The following CSMD1 variants were observed in gnomAD, a reference collection of about 807,000 sequenced individuals.
CSMD1 encodes CUB and Sushi multiple domains 1.
In CSMD1, 213 loss-of-function variants were observed where a neutral mutation model predicts 417.5. The observed-to-expected ratio is 0.51, with a 90% CI of 0.46 to 0.57. The LOEUF is 0.57. CSMD1 is among the 20% of genes least tolerant of loss of function. CSMD1 has a pLI of 0.00. For missense variants in CSMD1, 6,923 were observed against 4,529.7 expected, an observed-to-expected ratio of 1.53 and a Z score of -15.17; for synonymous variants, 2,862 against 1,736.8, an observed-to-expected ratio of 1.65 and a Z score of -16.11.
chr8:3,509,797 C>G (rs879634583), intron 10 of CSMD1, among the ~76,000 whole-genome samples: 11 of 152,120 alleles, frequency 7.2e-5, no homozygotes, highest in African/African-American at 1.7e-4. Context: ...CTGGAGCACA[C>G]GTCTGTCAGC....
At chr8:3,861,608 C>G (rs978249354) in intron 5 of CSMD1, among the ~76,000 whole-genome samples, 19 of 152,144 alleles carry the variant, frequency 1.2e-4, no homozygotes, top group Non-Finnish European at 2.5e-4. Context: ...CTGAAGTGAC[C>G]TCACATTCAT....
intron 3 of CSMD1, among the ~76,000 whole-genome samples, chr8:4,130,325 G>C (rs1009919943): frequency 6.6e-6 from 1 of 152,042 alleles, no homozygotes; most frequent in Non-Finnish European, 1.5e-5. Context: ...TATGCCTAAG[G>C]TCTTCTATTC....
chr8:3,263,117 T>C lies in CSMD1; in HGVS notation c.4153+21027A>G, dbSNP rs115454148. On this transcript the variant is annotated intron_variant, in intron 26 of 69. Coordinates refer to ENST00000635120, the MANE Select transcript of CSMD1 (RefSeq NM_033225.6). ...CTTGCATCATCAACTGTTATTTTTT[T>C]TCAGAGAGTTTCACTTTGTTGTCCA... Among the ~76,000 whole-genome samples the C allele has an allele frequency of 4.1e-3, 618 of 152,334 alleles. 4 individuals are homozygous for C. Among genetic ancestry groups the C allele is most frequent in the African/African-American group, 0.015 (608 of 41,576 alleles).
chr8:3,525,760 G>C (rs1025588803), intron 10 of CSMD1, among the ~76,000 whole-genome samples: 2 of 152,110 alleles, frequency 1.3e-5, no homozygotes, highest in Non-Finnish European at 2.9e-5. Context: ...AAATGAATGG[G>C]AACATCACGT....
intron 1 of CSMD1, among the ~76,000 whole-genome samples, chr8:4,734,423 A>G (rs1158536678): frequency 6.6e-6 from 1 of 152,162 alleles, no homozygotes; most frequent in Non-Finnish European, 1.5e-5. Flanking sequence ...GTCCCTGAAA[A>G]AAAAAGGTGA....
At chr8:3,096,792 T>G in intron 47 of CSMD1, 57 bp downstream of exon 47, 1 of 1,054,560 alleles carries the variant, frequency 9.5e-7, no homozygotes, top group Non-Finnish European at 1.4e-6. Flanking sequence ...AACATTGTAA[T>G]AGTGTTTTTA....
chr8:3,744,026 T>C (rs1796942703), intron 6 of CSMD1, among the ~76,000 whole-genome samples: 1 of 152,182 alleles, frequency 6.6e-6, no homozygotes, highest in Non-Finnish European at 1.5e-5. Context: ...TATCCTGCCC[T>C]TTCCCCTTCA....
At chr8:4,073,044 T>C (rs896510860) in intron 3 of CSMD1, among the ~76,000 whole-genome samples, 2 of 152,210 alleles carry the variant, frequency 1.3e-5, no homozygotes, top group East Asian at 1.9e-4. Context: ...AAGTGTAGCG[T>C]AGATGATAGT....
At chr8:4,280,017 C>T (rs372320004) in intron 3 of CSMD1, among the ~76,000 whole-genome samples, 3 of 152,226 alleles carry the variant, frequency 2.0e-5, no homozygotes, top group African/African-American at 7.2e-5. Context: ...CTGCTGCTTC[C>T]TTCCCAGCCT....
chr8:3,004,829 A>G (rs1490954149), intron 52 of CSMD1, among the ~76,000 whole-genome samples: 1 of 152,208 alleles, frequency 6.6e-6, no homozygotes, highest in Non-Finnish European at 1.5e-5. Context: ...CTGTTCTACA[A>G]AATATGTCAT....
chr8:4,329,640 G>C (rs1211115872), intron 3 of CSMD1, among the ~76,000 whole-genome samples: 3 of 151,984 alleles, frequency 2.0e-5, no homozygotes, highest in African/African-American at 4.8e-5. Context: ...CCAAACCTCA[G>C]TGATATCGTT....
At position 4,029,296 on chromosome 8, in the gene CSMD1, G is replaced by C. The variant is rs1024613365; in HGVS notation, c.610+2609C>G. On this transcript the variant is annotated intron_variant, in intron 4 of 69. Coordinates refer to ENST00000635120, the MANE Select transcript of CSMD1 (RefSeq NM_033225.6). ...ATATAATAACAAGTTGCATTAGTCT[G>C]TTTTCACGCTGGTGATAATGCATAC... Among the ~76,000 whole-genome samples the C allele has an allele frequency of 2.0e-5, 3 of 152,188 alleles. No homozygotes were observed. In the East Asian group the frequency reaches 5.8e-4, roughly 29 times the overall value.
chr8:4,086,686 A>G (rs931686549), intron 3 of CSMD1, among the ~76,000 whole-genome samples: 1 of 152,234 alleles, frequency 6.6e-6, no homozygotes, highest in African/African-American at 2.4e-5. Context: ...TATTTAAGCA[A>G]CCTGAACTTC....
At chr8:4,374,038 G>C (rs149638530) in intron 3 of CSMD1, among the ~76,000 whole-genome samples, 2 of 152,102 alleles carry the variant, frequency 1.3e-5, no homozygotes, top group South Asian at 4.1e-4. Context: ...GTAAAAATAC[G>C]TGATCAAATT....
intron 3 of CSMD1, among the ~76,000 whole-genome samples, chr8:4,135,622 A>G (rs968093510): frequency 1.3e-5 from 2 of 152,176 alleles, no homozygotes; most frequent in African/African-American, 2.4e-5. Flanking sequence ...TGCACTGTTA[A>G]TAGTTCAAAG....
Position 3,232,275 on chromosome 8 carries a change from G to A in CSMD1, c.4154-2044C>T, listed in dbSNP as rs566249329. Reference sequence around the variant, plus strand: ...GTTTCCTGAAATCAAATGCTTAACTGGAATTATATGTTGCAAGTTCTGTGA... The same window carrying A: ...GTTTCCTGAAATCAAATGCTTAACTAGAATTATATGTTGCAAGTTCTGTGA... On this transcript the variant is annotated intron_variant, in intron 26 of 69. Coordinates refer to ENST00000635120, the MANE Select transcript of CSMD1 (RefSeq NM_033225.6). Among the ~76,000 whole-genome samples the A allele has an allele frequency of 8.5e-5, 13 of 152,184 alleles. No individual in the cohort carries two copies. The South Asian group carries it at 1.7e-3, about 19-fold the overall frequency.
chr8:4,534,462 G>C (rs565863551), intron 2 of CSMD1, among the ~76,000 whole-genome samples: 1 of 152,140 alleles, frequency 6.6e-6, no homozygotes, highest in East Asian at 1.9e-4. Flanking sequence ...TTTTGTTATT[G>C]TTTTAAATGT....
chr8:4,098,914 T>C (rs1193993006), intron 3 of CSMD1, among the ~76,000 whole-genome samples: 2 of 152,176 alleles, frequency 1.3e-5, no homozygotes, highest in East Asian at 1.9e-4. Context: ...AGAACCAGTA[T>C]TAGAGACTGG....
At chr8:3,616,510 A>G (rs1212405276) in intron 8 of CSMD1, among the ~76,000 whole-genome samples, 200 bp downstream of exon 8, 1 of 152,172 alleles carries the variant, frequency 6.6e-6, no homozygotes, top group Non-Finnish European at 1.5e-5. Context: ...GTGAGAAGGG[A>G]CTAATACAGA....
Sources: allele counts gnomAD v4.1 joint callset (sites outside exome capture counted in the v4.1 genomes callset), GRCh38; gene constraint gnomAD v4.1.1; transcripts MANE v1.5; gene names NCBI Gene and HGNC (gene_info 2026-07-23, HGNC 2026-07-21).